CMIP: variants seen among roughly 807,000 people sequenced by gnomAD.
CMIP encodes the protein c-Maf inducing protein, also known as C-Maf-inducing protein.
Under a neutral mutation model 97.3 loss-of-function variants are expected in CMIP, and 13 were observed. That is an observed-to-expected ratio of 0.13 (90% CI 0.09 to 0.21). The LOEUF (loss-of-function observed/expected upper bound fraction) is 0.21. Ranked by LOEUF, CMIP falls within the 10% of genes least tolerant of loss-of-function variation. The probability of loss-of-function intolerance (pLI) is 1.00; values close to 1 mark genes in which losing one functional copy is unlikely to be tolerated. For missense variants in CMIP, 847 were observed against 1,024.9 expected, an observed-to-expected ratio of 0.83 and a Z score of 2.37; for synonymous variants, 538 against 436.3, an observed-to-expected ratio of 1.23 and a Z score of -2.91.
At position 81,535,916 on chromosome 16, in the gene CMIP, C is replaced by T. The variant is rs541346775; in HGVS notation, c.301-71651C>T. 1.2e-4 allele frequency among the ~76,000 whole-genome samples: 18 copies of T among 152,272 alleles called. No homozygotes were observed. In the South Asian group the frequency reaches 3.5e-3, roughly 30 times the overall value. ...TCCAGGTTTTTGAGAAAATTGTCCA[C>T]GCTGACTTCAAGGCGAGAGCATCTT... On this transcript the variant is annotated intron_variant, in intron 1 of 20. Transcript: ENST00000537098.
At chr16:81,480,599 C>G (rs1442628859) in intron 1 of CMIP, among the ~76,000 whole-genome samples, 3 of 152,184 alleles carry the variant, frequency 2.0e-5, no homozygotes, top group African/African-American at 7.2e-5. Context: ...CTGCTCCAGC[C>G]TCCCTCTGTT....
intron 13 of CMIP, chr16:81,695,350 T>G (rs1255050204): frequency 6.6e-6 from 1 of 152,268 alleles, no homozygotes. Context: ...TCAACACTCC[T>G]AAGTCCTTAT....
chr16:81,691,888 C>G, intron 11 of CMIP, 48 bp downstream of exon 11: 1 of 1,508,060 alleles, frequency 6.6e-7, no homozygotes, highest in Non-Finnish European at 9.2e-7. Flanking sequence ...TGAGACAAAC[C>G]TCAGTTGTCC....
intron 1 of CMIP, among the ~76,000 whole-genome samples, chr16:81,482,886 C>T (rs2089248588): frequency 6.6e-6 from 1 of 152,210 alleles, no homozygotes; most frequent in Admixed American, 6.5e-5. Flanking sequence ...TCATGGGACG[C>T]TGTTGGTGCA....
At position 81,590,151 on chromosome 16, in the gene CMIP, C is replaced by T. The variant is rs919176763; in HGVS notation, c.301-17416C>T. On this transcript the variant is annotated intron_variant, in intron 1 of 20. Transcript: ENST00000537098. ...CCTGTCTGCCAGCCTGGACACTTGG[C>T]GGGGAACCCTGGGAATGACCACGCC... Among the ~76,000 whole-genome samples the T allele has an allele frequency of 5.3e-5, 8 of 152,308 alleles. No individual in the cohort carries two copies. In the South Asian group the frequency reaches 6.2e-4, roughly 12 times the overall value.
intron 10 of CMIP, among the ~76,000 whole-genome samples, chr16:81,686,167 C>G (rs540233369): frequency 3.9e-5 from 6 of 152,144 alleles, no homozygotes; most frequent in Admixed American, 6.5e-5. Context: ...GCGCTGCAGA[C>G]GAGGTTTGCT....
At chr16:81,506,035 G>A (rs966750369) in intron 1 of CMIP, among the ~76,000 whole-genome samples, 2 of 152,142 alleles carry the variant, frequency 1.3e-5, no homozygotes, top group African/African-American at 4.8e-5. Flanking sequence ...AAGAACTGCC[G>A]TTCATTGAGT....
intron 1 of CMIP, among the ~76,000 whole-genome samples, chr16:81,592,475 TC>T (rs980122623): frequency 6.6e-6 from 1 of 152,152 alleles, no homozygotes; most frequent in African/African-American, 2.4e-5. Flanking sequence ...AGGGTGCCCC[TC>T]CCTCCTGTCC....
chr16:81,647,460 C>T (rs574651086), intron 3 of CMIP, among the ~76,000 whole-genome samples: 1 of 152,130 alleles, frequency 6.6e-6, no homozygotes, highest in Non-Finnish European at 1.5e-5. Flanking sequence ...GTTCACCAAC[C>T]CTGCTCTAAG....
In CMIP at chr16:81,627,579, G is replaced by A. The variant is rs546265981; in HGVS notation, c.477+6653G>A. On this transcript the variant is annotated intron_variant, in intron 3 of 20. Coordinates refer to ENST00000537098, the MANE Select transcript of CMIP (RefSeq NM_198390.3). The surrounding 1 kb of genome is among the most constrained non-coding windows in gnomAD (Gnocchi z 4.6). ...TAGGGTGGGTGGGAAGCCCGCCCTC[G>A]AGACTGTCTCTGCCCGGCTCTGGCC... Among the ~76,000 whole-genome samples the A allele has an allele frequency of 1.3e-5, 2 of 152,190 alleles. No individual in the cohort carries two copies. Among genetic ancestry groups the A allele is most frequent in the Admixed American group, 1.3e-4 (2 of 15,304 alleles).
chr16:81,560,146 T>TAAA (rs71146020), intron 1 of CMIP, among the ~76,000 whole-genome samples: 2 of 110,056 alleles, frequency 1.8e-5, no homozygotes, highest in African/African-American at 7.4e-5. Context: ...GACTCTGTCT[T>TAAA]AAAAAAAAAA....
chr16:81,671,222 C>T (rs1156324749), intron 8 of CMIP, among the ~76,000 whole-genome samples: 1 of 152,182 alleles, frequency 6.6e-6, no homozygotes, highest in African/African-American at 2.4e-5. Flanking sequence ...CTCACGAAGT[C>T]GTTTGAGGTT....
intron 1 of CMIP, among the ~76,000 whole-genome samples, chr16:81,591,242 G>C (rs2091462441): frequency 7.9e-6 from 1 of 126,302 alleles, no homozygotes; most frequent in South Asian, 3.1e-4. Context: ...TTCGTGGGGA[G>C]ATGTCTTTGA....
At chr16:81,564,766 G>A (rs1050839915) in intron 1 of CMIP, among the ~76,000 whole-genome samples, 6 of 152,226 alleles carry the variant, frequency 3.9e-5, no homozygotes, top group African/African-American at 1.4e-4. Flanking sequence ...AGCAAGTCGG[G>A]CACACAATAG....
intron 1 of CMIP, among the ~76,000 whole-genome samples, chr16:81,475,668 G>A (rs114722698): frequency 0.017 from 2,585 of 152,266 alleles, 67 homozygotes; most frequent in African/African-American, 0.058. Flanking sequence ...CTGAGCTACA[G>A]AAGGAACGGT....
chr16:81,500,121 GC>G (rs957842715), intron 1 of CMIP, among the ~76,000 whole-genome samples: 1 of 151,458 alleles, frequency 6.6e-6, no homozygotes, highest in African/African-American at 2.4e-5. Context: ...TGTCCTGCCA[GC>G]CCCAGCCTCT....
intron 1 of CMIP, among the ~76,000 whole-genome samples, chr16:81,498,678 C>T (rs991456665): frequency 6.6e-6 from 1 of 152,208 alleles, no homozygotes; most frequent in Non-Finnish European, 1.5e-5. Flanking sequence ...ATGCATACAC[C>T]CCATGGTCCT....
At chr16:81,495,907 G>T (rs2089481317) in intron 1 of CMIP, among the ~76,000 whole-genome samples, 1 of 152,204 alleles carries the variant, frequency 6.6e-6, no homozygotes, top group Non-Finnish European at 1.5e-5. Context: ...TCTGTAAAAT[G>T]CAGTTTGCGA....
At chr16:81,618,078 G>C (rs1597153222) in intron 2 of CMIP, among the ~76,000 whole-genome samples, 1 of 152,306 alleles carries the variant, frequency 6.6e-6, no homozygotes, top group Non-Finnish European at 1.5e-5. Context: ...ATACCAACCT[G>C]GTTGTACCTC....
Sources: gnomAD v4.1 joint callset for allele counts (sites outside exome capture counted in the v4.1 genomes callset) on GRCh38, gnomAD v4.1.1 for gene constraint, Gnocchi (gnomAD v3.1) non-coding constraint, MANE v1.5 for transcripts, NCBI Gene and HGNC (gene_info 2026-07-23, HGNC 2026-07-21) for gene names.